Variants in PLEKHB1 observed in about 807,000 individuals in gnomAD.
The protein encoded by PLEKHB1 is pleckstrin homology domain containing B1, also known as pleckstrin homology domain-containing family B member 1.
A neutral mutation model predicts 36.2 loss-of-function variants in PLEKHB1; 29 were observed. That is an observed-to-expected ratio of 0.80 (90% CI 0.60 to 1.09). PLEKHB1 has a LOEUF of 1.09. Ranked by LOEUF, PLEKHB1 falls within the 50% of genes least tolerant of loss-of-function variation. The pLI is 0.00. For synonymous variants in PLEKHB1, 138 were observed against 140.0 expected, an observed-to-expected ratio of 0.99 and a Z score of 0.10; for missense variants, 330 against 348.2, an observed-to-expected ratio of 0.95 and a Z score of 0.42.
rs1212137740 is a variant in PLEKHB1 at position 73,662,199 on chromosome 11, C to T, written c.*597C>T. 1 of 152,470 alleles carries T rather than the reference C, an allele frequency of 6.6e-6. No homozygotes were observed. The highest frequency in any genetic ancestry group is 1.5e-5 in the Non-Finnish European group (1 of 68,186). The allele number at this position is 152,470 out of a possible 1,614,324, so 9.4% of individuals were successfully genotyped here. The stretch of plus-strand genomic sequence containing the variant: ...CTGGGATCAGACCGTGGTGGGCCTT[C>T]AAGCTAAGGAGCTTCCTAGGTGAAA... On this transcript the variant is annotated 3_prime_UTR_variant, in exon 8 of 8. Coordinates refer to ENST00000354190, the MANE Select transcript of PLEKHB1 (RefSeq NM_021200.3).
Position 73,661,858 on chromosome 11 carries a change from A to G in PLEKHB1, c.*256A>G. The G allele has an allele frequency of 2.1e-6, 1 of 470,428 alleles. No individual in the cohort carries two copies. Among genetic ancestry groups the G allele is most frequent in the South Asian group, 3.9e-5 (1 of 25,864 alleles). 29.1% of individuals were successfully genotyped at this position (470,428 alleles called of 1,614,324 possible). A position where few individuals can be genotyped will look rare whatever the true frequency, so the allele number is the denominator to read the frequency against. On this transcript the variant is annotated 3_prime_UTR_variant, in exon 8 of 8. Coordinates refer to ENST00000354190, the MANE Select transcript of PLEKHB1 (RefSeq NM_021200.3). This position sits in a 1 kb window ranked among gnomAD's most constrained non-coding sequence, Gnocchi z 4.6. ...CCCCCAAAATCTGTTATAGACATTTATGGATACATTTCCTCTAAACACAAC... is the reference window on the plus strand; with the variant it reads ...CCCCCAAAATCTGTTATAGACATTTGTGGATACATTTCCTCTAAACACAAC...
intron 1 of PLEKHB1, chr11:73,648,312 G>A (rs1391771101): frequency 6.5e-6 from 1 of 152,864 alleles, no homozygotes; most frequent in African/African-American, 2.4e-5. Flanking sequence ...CTAATCAAGT[G>A]GCCCCGTGCA....
intron 6 of PLEKHB1, among the ~76,000 whole-genome samples, chr11:73,658,505 G>T (rs1008722366): frequency 6.6e-6 from 1 of 152,208 alleles, no homozygotes; most frequent in Non-Finnish European, 1.5e-5. Context: ...AAAAGAATGG[G>T]CAGAAGAACA....
chr11:73,651,608 A>G lies in PLEKHB1; in HGVS notation c.248-180A>G, dbSNP rs1944895701. 3 of 657,538 alleles carry G rather than the reference A, an allele frequency of 4.6e-6. No individual in the cohort carries two copies. In the South Asian group the frequency reaches 4.8e-5, roughly 10 times the overall value. The allele number at this position is 657,538 out of a possible 1,614,324, so 40.7% of individuals were successfully genotyped here. A position where few individuals can be genotyped will look rare whatever the true frequency, so the allele number is the denominator to read the frequency against. On this transcript the variant is annotated intron_variant, in intron 3 of 7. Coordinates refer to ENST00000354190, the MANE Select transcript of PLEKHB1 (RefSeq NM_021200.3). ...GTGCTGAGGGAAGCCTCAGCATGGA[A>G]AGGTTGGAAAGGTTGGAAACGTAGA...
At chr11:73,660,725 G>C (rs750517656) in intron 6 of PLEKHB1, 28 bp from the exon 7 acceptor site, 1 of 1,560,434 alleles carries the variant, frequency 6.4e-7, no homozygotes, top group African/African-American at 1.4e-5. Flanking sequence ...GGGAGTTCCT[G>C]GGCACCTGAC....
chr11:73,651,887 C>A lies in PLEKHB1; in HGVS notation c.347C>A (p.Ala116Asp). Residue 116 changes from alanine to aspartate, a missense_variant, in exon 4 of 8, where the codon GCC (alanine) becomes GAC (aspartate). Ala to Asp is a moderately radical substitution (Grantham distance 126). Transcript: ENST00000354190. ...LHLCAETKDD[A>D]LAWKTALLEA... ...CTCTGTGCGGAGACCAAGGATGATG[C>A]CCTGTGAGTCACTCCCAGGAGAGGA... The A allele has an allele frequency of 6.2e-7, 1 of 1,612,832 alleles. No homozygotes were observed. The highest frequency in any genetic ancestry group is 8.5e-7 in the Non-Finnish European group (1 of 1,179,622).
Position 73,662,650 on chromosome 11 carries a change from C to T in PLEKHB1, c.*1048C>T, listed in dbSNP as rs1017087530. On this transcript the variant is annotated 3_prime_UTR_variant, in exon 8 of 8. Transcript: ENST00000354190. Reference sequence around the variant, plus strand: ...CTGCCCTCAGGTGGTCCACCAGTCTCCCCCTTTGGTTCCCTTCCAGTCTCT... The same window carrying T: ...CTGCCCTCAGGTGGTCCACCAGTCTTCCCCTTTGGTTCCCTTCCAGTCTCT... The T allele has an allele frequency of 1.3e-4, 20 of 152,578 alleles. No individual in the cohort carries two copies. The highest frequency in any genetic ancestry group is 4.3e-4 in the African/African-American group (18 of 41,584). The allele number at this position is 152,578 out of a possible 1,614,324, so 9.5% of individuals were successfully genotyped here.
intron 6 of PLEKHB1, chr11:73,660,199 GGTTT>G (rs1945076469): frequency 6.4e-6 from 1 of 155,654 alleles, no homozygotes; most frequent in African/African-American, 2.4e-5. Flanking sequence ...GTGCCACCTA[GGTTT>G]GTTTGTAAGT....
intron 6 of PLEKHB1, among the ~76,000 whole-genome samples, chr11:73,657,697 G>C (rs1945021013): frequency 6.6e-6 from 1 of 152,222 alleles, no homozygotes; most frequent in Non-Finnish European, 1.5e-5. Context: ...CTGTGTAGCA[G>C]CAGGGCAAGG....
At chr11:73,647,670 C>T (rs1476782142) in intron 1 of PLEKHB1, 3 of 985,324 alleles carry the variant, frequency 3.0e-6, no homozygotes, top group Non-Finnish European at 1.2e-6. Context: ...GCAGGCGCAG[C>T]GGGTTGGGTG....
intron 6 of PLEKHB1, among the ~76,000 whole-genome samples, chr11:73,659,877 A>G (rs1400734203): frequency 6.6e-6 from 1 of 152,208 alleles, no homozygotes; most frequent in African/African-American, 2.4e-5. Context: ...CACTTCCTTC[A>G]GGACCTGGTA....
At chr11:73,649,653 T>C (rs2134798570) in intron 2 of PLEKHB1, among the ~76,000 whole-genome samples, 1 of 152,276 alleles carries the variant, frequency 6.6e-6, no homozygotes, top group South Asian at 2.1e-4. Flanking sequence ...GATTTCCAGT[T>C]GCAAAATGTC....
rs1437570675 is a variant in PLEKHB1 at position 73,660,841 on chromosome 11, C to T, written c.584C>T (p.Pro195Leu). The change falls in exon 7 of 8, where the codon CCG becomes CTG. Residue 195 changes from proline to leucine, a missense_variant. Physicochemically the swap from Pro to Leu is moderately conservative, Grantham distance 98. Coordinates refer to ENST00000354190, the MANE Select transcript of PLEKHB1 (RefSeq NM_021200.3). ...EATYVRSYYG[P>L]PYAGPGVTHV... is the part of the protein sequence containing the mutation. ...ACGTATGTCCGCAGCTACTACGGAC[C>T]GCCCTACGCAGGTAAGTCTCCAGCG... 5.0e-6 allele frequency: 8 copies of T among 1,591,020 alleles called. No homozygotes were observed. Among genetic ancestry groups the T allele is most frequent in the Non-Finnish European group, 6.8e-6 (8 of 1,170,186 alleles).
intron 5 of PLEKHB1, among the ~76,000 whole-genome samples, chr11:73,654,871 C>G (rs1944962395): frequency 6.6e-6 from 1 of 152,294 alleles, no homozygotes; most frequent in South Asian, 2.1e-4. Context: ...TCCCTGAGGC[C>G]TGTAGGGAGC....
At chr11:73,650,477 T>C in intron 2 of PLEKHB1, 76 bp from the exon 3 acceptor site, 1 of 1,465,284 alleles carries the variant, frequency 6.8e-7, no homozygotes, top group Non-Finnish European at 9.1e-7. Context: ...TGAGGGGACT[T>C]GGGAGTCTGT....
intron 3 of PLEKHB1, chr11:73,651,469 A>G (rs144811306): frequency 1.8e-6 from 1 of 546,916 alleles, no homozygotes. Flanking sequence ...GTACTGGATG[A>G]AGACGAAATG....
chr11:73,651,510 C>T (rs1944892299), intron 3 of PLEKHB1: 2 of 620,428 alleles, frequency 3.2e-6, no homozygotes, highest in Middle Eastern at 5.9e-4. Flanking sequence ...GCGAAGTGGC[C>T]CAGAGTCACA....
At chr11:73,657,724 C>T (rs1945021619) in intron 6 of PLEKHB1, among the ~76,000 whole-genome samples, 1 of 152,190 alleles carries the variant, frequency 6.6e-6, no homozygotes, top group Non-Finnish European at 1.5e-5. Context: ...CTGTGGACCT[C>T]AACTTCCCCA....
intron 5 of PLEKHB1, among the ~76,000 whole-genome samples, chr11:73,655,514 G>A (rs1333073568): frequency 2.0e-5 from 3 of 152,210 alleles, no homozygotes; most frequent in Non-Finnish European, 4.4e-5. Flanking sequence ...GAGTCGCCCT[G>A]TCCTCCCTGG....
Sources: allele counts gnomAD v4.1 joint callset (sites outside exome capture counted in the v4.1 genomes callset), GRCh38; gene constraint gnomAD v4.1.1; non-coding constraint Gnocchi (gnomAD v3.1); transcripts MANE v1.5; gene names NCBI Gene and HGNC (gene_info 2026-07-23, HGNC 2026-07-21).